Variants in HEMK2 observed in about 807,000 individuals in gnomAD.
HEMK2 encodes methyltransferase HEMK2.
chr21:28,736,477 C>T, the HEMK2 span, among the ~76,000 whole-genome samples: 4 of 152,142 alleles, frequency 2.6e-5, no homozygotes, highest in South Asian at 6.2e-4. Flanking sequence ...TTTCAGTGGC[C>T]GGACGCGGTG....
the HEMK2 span, among the ~76,000 whole-genome samples, chr21:28,580,663 A>G: frequency 6.6e-6 from 1 of 152,108 alleles, no homozygotes; most frequent in Non-Finnish European, 1.5e-5. Context: ...TGAAAAGAAA[A>G]TATCACTGAA....
At chr21:28,755,790 A>G in the HEMK2 span, among the ~76,000 whole-genome samples, 1 of 152,234 alleles carries the variant, frequency 6.6e-6, no homozygotes, top group African/African-American at 2.4e-5. Context: ...AAATAAGAGC[A>G]ACGCCATTTC....
At chr21:28,866,175 A>AAAACACACAC in the HEMK2 span, among the ~76,000 whole-genome samples, 1 of 76,234 alleles carries the variant, frequency 1.3e-5, no homozygotes, top group African/African-American at 5.1e-5. Flanking sequence ...CAAAAAAAAA[A>AAAACACACAC]ACACACACAC....
the HEMK2 span, among the ~76,000 whole-genome samples, chr21:28,789,002 C>T: frequency 6.6e-6 from 1 of 152,016 alleles, no homozygotes; most frequent in Non-Finnish European, 1.5e-5. Context: ...AGGAGAGAGG[C>T]GGGAAACAGA....
At chr21:28,686,017 G>A in the HEMK2 span, among the ~76,000 whole-genome samples, 1 of 152,120 alleles carries the variant, frequency 6.6e-6, no homozygotes, top group Non-Finnish European at 1.5e-5. Context: ...TGGGTCTAGG[G>A]TCATTCTTAG....
the HEMK2 span, among the ~76,000 whole-genome samples, chr21:28,608,509 C>T: frequency 2.7e-5 from 4 of 148,046 alleles, no homozygotes; most frequent in Non-Finnish European, 6.0e-5. Context: ...TGAACTTTTG[C>T]TCCAAGAACT....
the HEMK2 span, among the ~76,000 whole-genome samples, chr21:28,601,694 C>G: frequency 6.7e-6 from 1 of 150,088 alleles, no homozygotes; most frequent in Admixed American, 6.7e-5. Flanking sequence ...AGTATGTAAG[C>G]CCCAAGGAGC....
At chr21:28,627,208 G>T in the HEMK2 span, among the ~76,000 whole-genome samples, 1 of 152,192 alleles carries the variant, frequency 6.6e-6, no homozygotes, top group African/African-American at 2.4e-5. Context: ...TAAGGATAGA[G>T]ATCAGAGCAG....
At chr21:28,667,039 T>C in the HEMK2 span, among the ~76,000 whole-genome samples, 2 of 152,162 alleles carry the variant, frequency 1.3e-5, no homozygotes, top group African/African-American at 4.8e-5. Flanking sequence ...GCTATGCAAC[T>C]TTGTAAAGAC....
chr21:28,587,638 G>C, the HEMK2 span, among the ~76,000 whole-genome samples: 1 of 152,080 alleles, frequency 6.6e-6, no homozygotes, highest in African/African-American at 2.4e-5. Context: ...ATAATTTACT[G>C]TTATCCCGCT....
the HEMK2 span, among the ~76,000 whole-genome samples, chr21:28,670,526 G>C: frequency 6.6e-6 from 1 of 152,260 alleles, no homozygotes; most frequent in Non-Finnish European, 1.5e-5. Flanking sequence ...CACACAGACA[G>C]CCTCTATCAT....
the HEMK2 span, among the ~76,000 whole-genome samples, chr21:28,776,937 A>G: frequency 1.3e-5 from 2 of 152,202 alleles, no homozygotes; most frequent in Admixed American, 6.5e-5. Context: ...CACTGACTCA[A>G]AAGTTAATCT....
At chr21:28,826,650 A>G in the HEMK2 span, among the ~76,000 whole-genome samples, 1 of 152,210 alleles carries the variant, frequency 6.6e-6, no homozygotes, top group Non-Finnish European at 1.5e-5. Flanking sequence ...TTTAACAGTA[A>G]CAAGGATCAT....
the HEMK2 span, among the ~76,000 whole-genome samples, chr21:28,778,891 T>A: frequency 6.6e-6 from 1 of 152,198 alleles, no homozygotes; most frequent in Non-Finnish European, 1.5e-5. Context: ...TATATTTCCA[T>A]CCTTTTCACA....
At chr21:28,871,814 G>A in the HEMK2 span, among the ~76,000 whole-genome samples, 3 of 152,196 alleles carry the variant, frequency 2.0e-5, no homozygotes, top group African/African-American at 7.2e-5. Context: ...GCCTCTGGCA[G>A]TTGCTAGCAA....
chr21:28,622,605 C>T, the HEMK2 span, among the ~76,000 whole-genome samples: 1 of 152,140 alleles, frequency 6.6e-6, no homozygotes, highest in Non-Finnish European at 1.5e-5. Flanking sequence ...GTAACCAAAA[C>T]AGCATGGTAC....
chr21:28,648,312 C>A, the HEMK2 span, among the ~76,000 whole-genome samples: 1 of 152,148 alleles, frequency 6.6e-6, no homozygotes, highest in African/African-American at 2.4e-5. Flanking sequence ...AATAGTTGCA[C>A]CAGAGGTGGT....
At chr21:28,819,229 T>C in the HEMK2 span, among the ~76,000 whole-genome samples, 1 of 152,178 alleles carries the variant, frequency 6.6e-6, no homozygotes, top group East Asian at 1.9e-4. Flanking sequence ...CATAAAGTCT[T>C]TCATTTTGCT....
At chr21:28,618,917 A>G in the HEMK2 span, among the ~76,000 whole-genome samples, 2 of 152,206 alleles carry the variant, frequency 1.3e-5, no homozygotes, top group Non-Finnish European at 2.9e-5. Context: ...TACTAAAAAA[A>G]TTCATGTAAA....
Sources: allele counts gnomAD v4.1 joint callset (sites outside exome capture counted in the v4.1 genomes callset), GRCh38; gene constraint gnomAD v4.1.1; transcripts MANE v1.5; gene names NCBI Gene and HGNC (gene_info 2026-07-23, HGNC 2026-07-21).